The following CTNNA3 variants were observed in gnomAD, a reference collection of about 807,000 sequenced individuals.
CTNNA3 encodes the protein catenin alpha 3.
CTNNA3 carries 76 observed loss-of-function variants against 95.7 expected under a neutral mutation model. That is an observed-to-expected ratio of 0.79 (90% CI 0.66 to 0.96). The LOEUF (loss-of-function observed/expected upper bound fraction) is 0.96, where lower values mean the gene tolerates loss of function less well. Ranked by LOEUF, CTNNA3 falls within the 40% of genes least tolerant of loss-of-function variation. CTNNA3 has a pLI of 0.00. For missense variants in CTNNA3, 1,191 were observed against 1,089.8 expected (o/e 1.09, Z -1.31); for synonymous variants, 431 against 374.4 (o/e 1.15, Z -1.74).
chr10:66,835,971 A>G (rs1413175597), intron 7 of CTNNA3, among the ~76,000 whole-genome samples: 2 of 152,022 alleles, frequency 1.3e-5, no homozygotes, highest in Admixed American at 6.6e-5. Context: ...CCACATTTTG[A>G]CAACACCTGT....
intron 7 of CTNNA3, among the ~76,000 whole-genome samples, chr10:66,835,074 T>C (rs1436016040): frequency 1.3e-5 from 2 of 152,132 alleles, no homozygotes; most frequent in Non-Finnish European, 2.9e-5. Context: ...AAAAACTTAG[T>C]AAGACAAGGA....
At chr10:66,789,922 G>A (rs1489630767) in intron 7 of CTNNA3, among the ~76,000 whole-genome samples, 2 of 152,094 alleles carry the variant, frequency 1.3e-5, no homozygotes, top group African/African-American at 4.8e-5. Context: ...GTTCAGGTAG[G>A]GCAGGATACT....
At chr10:66,391,631 G>A (rs2092934347) in intron 11 of CTNNA3, among the ~76,000 whole-genome samples, 1 of 151,998 alleles carries the variant, frequency 6.6e-6, no homozygotes, top group Non-Finnish European at 1.5e-5. Context: ...GTTACAAAAA[G>A]TGTTATTTTT....
intron 7 of CTNNA3, among the ~76,000 whole-genome samples, chr10:66,780,621 G>T (rs537597839): frequency 6.6e-6 from 1 of 152,286 alleles, no homozygotes; most frequent in East Asian, 1.9e-4. Flanking sequence ...CATTTCATTA[G>T]TATTTGTCCT....
chr10:67,251,574 T>C (rs1185633403), intron 5 of CTNNA3, among the ~76,000 whole-genome samples: 1 of 152,146 alleles, frequency 6.6e-6, no homozygotes, highest in Non-Finnish European at 1.5e-5. Flanking sequence ...CCTGTCCTAA[T>C]AGTAAAACTC....
intron 9 of CTNNA3, among the ~76,000 whole-genome samples, chr10:66,662,068 C>A (rs1266038937): frequency 6.6e-6 from 1 of 152,044 alleles, no homozygotes; most frequent in Admixed American, 6.6e-5. Context: ...GTTGTTAAAT[C>A]CAAGAACTTT....
At position 66,064,440 on chromosome 10, in the gene CTNNA3, C is replaced by T. The variant is rs185872688; in HGVS notation, c.2159+4868G>A. ...CCTTGGTGATCATTCTTTTTTGCAT[C>T]TTAATTTCTCTTTCATGGTGGCATT... On this transcript the variant is annotated intron_variant, in intron 15 of 17. Transcript: ENST00000433211. 2.6e-5 allele frequency among the ~76,000 whole-genome samples: 4 copies of T among 152,192 alleles called. No individual in the cohort carries two copies. In the East Asian group the frequency reaches 7.7e-4, roughly 29 times the overall value.
At chr10:66,546,486 T>C (rs1312082338) in intron 10 of CTNNA3, among the ~76,000 whole-genome samples, 1 of 152,182 alleles carries the variant, frequency 6.6e-6, no homozygotes, top group Non-Finnish European at 1.5e-5. Context: ...TATAAATAAC[T>C]GCCCAAGACT....
rs571221584 is a variant in CTNNA3, at chr10:67,746,525, G to A, written c.-2+16909C>T. On this transcript the variant is annotated intron_variant, in intron 1 of 17. Transcript: ENST00000684154. ...GTTCTATCATCAGGACTGACTAGGT[G>A]TTTGGTTTGACCCACGGAGAGCAAA... Among the ~76,000 whole-genome samples, 17 of 152,208 alleles carry A rather than the reference G, an allele frequency of 1.1e-4. No homozygotes were observed. In the South Asian group the frequency reaches 1.7e-3, roughly 15 times the overall value.
intron 15 of CTNNA3, among the ~76,000 whole-genome samples, chr10:66,018,088 G>A (rs1283102344): frequency 2.6e-5 from 4 of 151,518 alleles, no homozygotes; most frequent in Non-Finnish European, 5.9e-5. Flanking sequence ...TGACATGATC[G>A]AATCTCTGTC....
At chr10:66,768,449 A>C (rs1839953070) in intron 8 of CTNNA3, among the ~76,000 whole-genome samples, 1 of 152,212 alleles carries the variant, frequency 6.6e-6, no homozygotes, top group Admixed American at 6.5e-5. Flanking sequence ...AAAGAGACTG[A>C]GATAATAGCC....
At chr10:67,471,352 C>T (rs1847814316) in intron 5 of CTNNA3, among the ~76,000 whole-genome samples, 1 of 152,214 alleles carries the variant, frequency 6.6e-6, no homozygotes, top group African/African-American at 2.4e-5. Context: ...GCTTCCATTT[C>T]TCTTGGAATA....
intron 10 of CTNNA3, among the ~76,000 whole-genome samples, chr10:66,527,078 T>A (rs934999569): frequency 1.3e-5 from 2 of 152,282 alleles, no homozygotes; most frequent in Admixed American, 6.5e-5. Flanking sequence ...TTTAAGTCTT[T>A]GATTCATTTT....
chr10:67,068,393 G>A (rs1342755433), intron 7 of CTNNA3, among the ~76,000 whole-genome samples: 1 of 152,176 alleles, frequency 6.6e-6, no homozygotes, highest in Non-Finnish European at 1.5e-5. Flanking sequence ...TGTTACGTTG[G>A]GGGACATTCG....
chr10:67,237,346 A>T (rs993464377), intron 5 of CTNNA3, among the ~76,000 whole-genome samples: 1 of 151,368 alleles, frequency 6.6e-6, no homozygotes, highest in African/African-American at 2.4e-5. Flanking sequence ...ACACAAAGGC[A>T]TAAGAATGAT....
At chr10:66,634,046 T>A (rs1329466272) in intron 9 of CTNNA3, among the ~76,000 whole-genome samples, 1 of 152,124 alleles carries the variant, frequency 6.6e-6, no homozygotes, top group East Asian at 1.9e-4. Flanking sequence ...TCCAAAATGA[T>A]CCTCCCCAAA....
At chr10:67,407,811 T>C (rs542572092) in intron 5 of CTNNA3, among the ~76,000 whole-genome samples, 2 of 152,258 alleles carry the variant, frequency 1.3e-5, no homozygotes, top group South Asian at 2.1e-4. Flanking sequence ...TGAACTCCCA[T>C]TCACAATTGC....
intron 14 of CTNNA3, among the ~76,000 whole-genome samples, chr10:66,073,795 C>T (rs1021832575): frequency 6.6e-6 from 1 of 152,046 alleles, no homozygotes; most frequent in Non-Finnish European, 1.5e-5. Context: ...ATCTCCTTAT[C>T]TTTACATCAC....
intron 10 of CTNNA3, among the ~76,000 whole-genome samples, chr10:66,613,438 C>T (rs1162272425): frequency 1.3e-5 from 2 of 151,994 alleles, no homozygotes; most frequent in Non-Finnish European, 2.9e-5. Context: ...ATGAAGAGTT[C>T]CTTGGAGTAG....
Sources: gnomAD v4.1 joint callset for allele counts (sites outside exome capture counted in the v4.1 genomes callset) on GRCh38, gnomAD v4.1.1 for gene constraint, MANE v1.5 for transcripts, NCBI Gene and HGNC (gene_info 2026-07-23, HGNC 2026-07-21) for gene names.